The following CSMD2 variants were observed in gnomAD, a reference collection of about 807,000 sequenced individuals.
The protein encoded by CSMD2 is CUB and sushi domain-containing protein 2.
A neutral mutation model predicts 398.5 loss-of-function variants in CSMD2; 130 were observed. The ratio of observed to expected loss-of-function variants is 0.33; its 90% CI spans 0.28 to 0.38. The LOEUF is 0.38. CSMD2 is among the 10% of genes least tolerant of loss of function. The pLI is 1.00. For synonymous variants in CSMD2, 1,828 were observed against 1,908.5 expected (o/e 0.96, Z 1.10); for missense variants, 3,829 against 4,764.9 (o/e 0.80, Z 5.78).
chr1:33,987,105 C>T (rs1646385525), intron 3 of CSMD2, among the ~76,000 whole-genome samples: 1 of 152,104 alleles, frequency 6.6e-6, no homozygotes, highest in Non-Finnish European at 1.5e-5. Flanking sequence ...AATGCACAGA[C>T]CTTTATCCCC....
At chr1:33,969,886 C>T (rs907372078) in intron 3 of CSMD2, among the ~76,000 whole-genome samples, 6 of 151,726 alleles carry the variant, frequency 4.0e-5, no homozygotes, top group South Asian at 2.1e-4. Context: ...GCCAGGTGGG[C>T]GGATCACCTG....
intron 5 of CSMD2, among the ~76,000 whole-genome samples, chr1:33,881,125 A>G (rs1182836318): frequency 6.6e-6 from 1 of 152,190 alleles, no homozygotes; most frequent in Non-Finnish European, 1.5e-5. Flanking sequence ...GAGTTATGAG[A>G]GAAATAGATA....
chr1:34,045,068 CA>C (rs1558295417), intron 2 of CSMD2, among the ~76,000 whole-genome samples: 20 of 151,888 alleles, frequency 1.3e-4, no homozygotes, highest in African/African-American at 4.1e-4. Flanking sequence ...CACACACACA[CA>C]CACACACACC....
chr1:33,992,356 C>G (rs1237563108), intron 3 of CSMD2, among the ~76,000 whole-genome samples: 1 of 152,018 alleles, frequency 6.6e-6, no homozygotes, highest in East Asian at 1.9e-4. Flanking sequence ...GTTCACCAGG[C>G]TCACCATGCC....
At chr1:33,571,839 G>T in intron 50 of CSMD2, 113 bp from the exon 51 acceptor site, 1 of 785,846 alleles carries the variant, frequency 1.3e-6, no homozygotes, top group Non-Finnish European at 1.8e-6. Flanking sequence ...GAAGAATCCA[G>T]GAATCTTCAG....
intron 4 of CSMD2, 93 bp downstream of exon 4, chr1:33,935,667 A>T: frequency 7.6e-7 from 1 of 1,318,788 alleles, no homozygotes; most frequent in South Asian, 1.5e-5. Context: ...GCTGGGGTGT[A>T]GCTTTGCCCT....
chr1:34,092,152 T>A (rs1409044081), intron 1 of CSMD2, among the ~76,000 whole-genome samples: 1 of 152,144 alleles, frequency 6.6e-6, no homozygotes, highest in Non-Finnish European at 1.5e-5. Flanking sequence ...CATATAAACT[T>A]AACAAGAAGT....
chr1:33,695,877 G>A (rs1010442107), intron 24 of CSMD2, among the ~76,000 whole-genome samples: 2 of 152,148 alleles, frequency 1.3e-5, no homozygotes, highest in Non-Finnish European at 2.9e-5. Flanking sequence ...CATCTTTTGT[G>A]ACATACCTCC....
chr1:33,562,298 C>T (rs191700405), intron 53 of CSMD2, among the ~76,000 whole-genome samples: 46 of 152,312 alleles, frequency 3.0e-4, no homozygotes, highest in Admixed American at 1.4e-3. Flanking sequence ...GAAGCTGCTG[C>T]GACCAGGTGT....
chr1:33,586,433 G>A, intron 46 of CSMD2, 71 bp downstream of exon 46: 1 of 993,472 alleles, frequency 1.0e-6, no homozygotes, highest in South Asian at 1.3e-5. Flanking sequence ...GGAATAGAAA[G>A]AGGAGCAAAA....
At chr1:34,005,017 G>C (rs1558234461) in intron 3 of CSMD2, among the ~76,000 whole-genome samples, 1 of 152,216 alleles carries the variant, frequency 6.6e-6, no homozygotes. Flanking sequence ...TGGCTCAGCA[G>C]CTGTAGAATC....
intron 48 of CSMD2, among the ~76,000 whole-genome samples, chr1:33,579,325 T>C (rs1032423990): frequency 6.6e-6 from 1 of 152,178 alleles, no homozygotes; most frequent in African/African-American, 2.4e-5. Context: ...GTTAAGTACC[T>C]TGCCTAATAA....
At chr1:34,052,067 T>C (rs902799496) in intron 2 of CSMD2, among the ~76,000 whole-genome samples, 5 of 151,956 alleles carry the variant, frequency 3.3e-5, no homozygotes, top group African/African-American at 1.2e-4. Flanking sequence ...GAACTCAGAC[T>C]GAAACTTACA....
intron 12 of CSMD2, among the ~76,000 whole-genome samples, chr1:33,775,172 G>A (rs1160743697): frequency 6.6e-6 from 1 of 152,062 alleles, no homozygotes; most frequent in Non-Finnish European, 1.5e-5. Context: ...TTTTTTTCTA[G>A]AAAATTACAA....
chr1:34,076,264 C>T (rs901246219), intron 2 of CSMD2, among the ~76,000 whole-genome samples: 62 of 152,320 alleles, frequency 4.1e-4, no homozygotes, highest in African/African-American at 1.4e-3. Context: ...GAAACTGAGG[C>T]TTGAATGGGT....
At chr1:33,659,848 G>A (rs1644072870) in intron 26 of CSMD2, among the ~76,000 whole-genome samples, 2 of 152,180 alleles carry the variant, frequency 1.3e-5, no homozygotes, top group South Asian at 4.1e-4. Flanking sequence ...GCCATATCTG[G>A]GCCTATGCCT....
intron 3 of CSMD2, among the ~76,000 whole-genome samples, chr1:33,980,847 A>AGTG (rs1167737082): frequency 6.6e-6 from 1 of 152,192 alleles, no homozygotes; most frequent in Non-Finnish European, 1.5e-5. Context: ...TCTCTGATAA[A>AGTG]GTGGTATTGG....
intron 1 of CSMD2, among the ~76,000 whole-genome samples, chr1:34,096,556 A>G (rs1335297096): frequency 1.4e-5 from 2 of 141,424 alleles, no homozygotes; most frequent in Non-Finnish European, 3.1e-5. Flanking sequence ...AAGCAACTTC[A>G]GCAAAGTCTC....
At chr1:33,743,171 G>T in intron 14 of CSMD2, 109 bp downstream of exon 14, 1 of 896,876 alleles carries the variant, frequency 1.1e-6, no homozygotes. Context: ...GCAATGCCCT[G>T]GGAACTGCCC....
Sources: allele counts gnomAD v4.1 joint callset (sites outside exome capture counted in the v4.1 genomes callset), GRCh38; gene constraint gnomAD v4.1.1; transcripts MANE v1.5; gene names NCBI Gene and HGNC (gene_info 2026-07-23, HGNC 2026-07-21).